COA8: variants seen among roughly 807,000 people sequenced by gnomAD.
The protein encoded by COA8 is cytochrome c oxidase assembly factor 8, also known as UPF0671 protein C14orf153.
Under a neutral mutation model 22.0 loss-of-function variants are expected in COA8, and 20 were observed. The observed-to-expected ratio is 0.91, with a 90% CI of 0.64 to 1.32. COA8 has a LOEUF of 1.32. Ranked by LOEUF, COA8 falls within the 40% of genes most tolerant of loss-of-function variation. The pLI is 0.00. For missense variants in COA8, 266 were observed against 230.0 expected, an observed-to-expected ratio of 1.16 and a Z score of -1.01; for synonymous variants, 105 against 79.9, an observed-to-expected ratio of 1.31 and a Z score of -1.68.
chr14:103,584,676 T>C (rs555216535), intron 3 of COA8, among the ~76,000 whole-genome samples: 4 of 152,224 alleles, frequency 2.6e-5, no homozygotes, highest in Non-Finnish European at 4.4e-5. Flanking sequence ...TACATCCTTG[T>C]CAACACTTGT....
At position 103,582,271 on chromosome 14, in the gene COA8, T is replaced by TG. The variant is rs555066589; in HGVS notation, c.386-4997dup. 2.6e-3 allele frequency among the ~76,000 whole-genome samples: 391 copies of TG among 152,258 alleles called. 2 individuals carry two copies. Among genetic ancestry groups the TG allele is most frequent in the Admixed American group, 0.011 (161 of 15,290 alleles). On this transcript the variant is annotated intron_variant, in intron 3 of 4. Coordinates refer to ENST00000409074, the MANE Select transcript of COA8 (RefSeq NM_001370595.2). ...CATTCCCTGGTCCCTGAGCCATAGC[T>TG]GGGGGGCATGAGACTGTCCCCTGGG... is the stretch of plus-strand genomic sequence containing the variant.
chr14:103,584,378 C>A (rs1302519671), intron 3 of COA8, among the ~76,000 whole-genome samples: 1 of 152,190 alleles, frequency 6.6e-6, no homozygotes, highest in Non-Finnish European at 1.5e-5. Flanking sequence ...CCAATCAAGG[C>A]TTGGTCTTTC....
chr14:103,587,103 C>G (rs538496158), intron 3 of COA8, among the ~76,000 whole-genome samples, 171 bp from the exon 4 acceptor site: 2 of 152,270 alleles, frequency 1.3e-5, no homozygotes, highest in Non-Finnish European at 2.9e-5. Flanking sequence ...GAATTGTTTT[C>G]TTGATTTCAT....
At chr14:103,589,227 A>G (rs924960860) in intron 4 of COA8, among the ~76,000 whole-genome samples, 35 of 152,142 alleles carry the variant, frequency 2.3e-4, no homozygotes, top group Admixed American at 1.4e-3. Context: ...GAAATGGAAT[A>G]TGGCTTTTCC....
At chr14:103,584,050 G>GT (rs1376993896) in intron 3 of COA8, among the ~76,000 whole-genome samples, 2 of 151,956 alleles carry the variant, frequency 1.3e-5, no homozygotes, top group African/African-American at 4.8e-5. Flanking sequence ...TTGTTTGTTT[G>GT]TTTTTTTGAG....
chr14:103,562,998 G>A lies in COA8; in HGVS notation c.-4G>A, dbSNP rs1225112117. On this transcript the variant is annotated 5_prime_UTR_variant, in exon 1 of 5. Coordinates refer to ENST00000409074, the MANE Select transcript of COA8 (RefSeq NM_001370595.2). ...GCGCCGCGGGAGCCAGGGGGCGTGG[G>A]GCCATGGTGGTCTTGCGGGCGGGGA... The A allele has an allele frequency of 6.4e-7, 1 of 1,556,118 alleles. No homozygotes were observed. The highest frequency in any genetic ancestry group is 8.6e-7 in the Non-Finnish European group (1 of 1,156,888).
At position 103,563,012 on chromosome 14, in the gene COA8, T is replaced by A. The variant is rs1490230055; in HGVS notation, c.11T>A (p.Leu4Ter). Residue 4 changes from leucine to a stop codon, truncating the protein, a stop_gained, in exon 1 of 5, where the codon TTG becomes TAG. Transcript: ENST00000409074. LOFTEE classifies it high-confidence loss of function. Reference sequence around the variant, plus strand: ...AGGGGGCGTGGGGCCATGGTGGTCTTGCGGGCGGGGAAGAAGACCTTTCTC... The same window carrying A: ...AGGGGGCGTGGGGCCATGGTGGTCTAGCGGGCGGGGAAGAAGACCTTTCTC... MVV[L>*]RAGKKTFLPP... is the part of the protein sequence containing the mutation. 1 of 1,558,168 alleles carries A rather than the reference T, an allele frequency of 6.4e-7. No homozygotes were observed. The highest frequency in any genetic ancestry group is 1.4e-5 in the African/African-American group (1 of 74,000).
intron 1 of COA8, among the ~76,000 whole-genome samples, chr14:103,569,118 C>T (rs557711667): frequency 9.9e-5 from 15 of 152,252 alleles, no homozygotes; most frequent in Non-Finnish European, 1.9e-4. Flanking sequence ...ATGGAAGAGC[C>T]TTCTGTCCCC....
chr14:103,574,227 GA>G, intron 3 of COA8, 57 bp downstream of exon 3: 1 of 1,605,172 alleles, frequency 6.2e-7, no homozygotes, highest in Non-Finnish European at 8.5e-7. Context: ...GCTAGTCCAT[GA>G]AAAGGGAAAG....
chr14:103,576,718 A>G (rs932642173), intron 3 of COA8, among the ~76,000 whole-genome samples: 1 of 152,202 alleles, frequency 6.6e-6, no homozygotes, highest in Non-Finnish European at 1.5e-5. Context: ...CTAAGTTCAA[A>G]GAAGCAGTCA....
chr14:103,580,957 C>T (rs1254824962), intron 3 of COA8, among the ~76,000 whole-genome samples: 3 of 152,060 alleles, frequency 2.0e-5, no homozygotes, highest in South Asian at 2.1e-4. Flanking sequence ...CCACCACGCC[C>T]GGCTAATTTT....
At chr14:103,587,429 T>C (rs2076316423) in intron 4 of COA8, 65 bp downstream of exon 4, 1 of 1,015,918 alleles carries the variant, frequency 9.8e-7, no homozygotes, top group African/African-American at 1.6e-5. Flanking sequence ...AGTGTTTTCT[T>C]ACCTGAATTT....
At chr14:103,567,893 C>G (rs1487579425) in intron 1 of COA8, among the ~76,000 whole-genome samples, 2 of 152,168 alleles carry the variant, frequency 1.3e-5, no homozygotes, top group African/African-American at 2.4e-5. Flanking sequence ...GCTCTCCCAT[C>G]TCGTTGGCAT....
intron 3 of COA8, among the ~76,000 whole-genome samples, chr14:103,584,348 A>G (rs2151186057): frequency 6.6e-6 from 1 of 152,094 alleles, no homozygotes; most frequent in East Asian, 1.9e-4. Context: ...CCTTTCCCCA[A>G]AACTGAAAGT....
intron 1 of COA8, among the ~76,000 whole-genome samples, chr14:103,564,990 G>A (rs2076125572): frequency 6.6e-6 from 1 of 152,108 alleles, no homozygotes; most frequent in Non-Finnish European, 1.5e-5. Context: ...TTTTTGCTCT[G>A]TTGCCCAGGC....
chr14:103,587,799 G>T (rs927762180), intron 4 of COA8, among the ~76,000 whole-genome samples: 8 of 151,628 alleles, frequency 5.3e-5, no homozygotes, highest in Non-Finnish European at 7.4e-5. Context: ...GAGCCACTGC[G>T]CCTCGTCTAT....
At position 103,590,175 on chromosome 14, in the gene COA8, C is replaced by T. The variant is rs1432586632; in HGVS notation, c.477-6C>T. 3 of 1,612,126 alleles carry T rather than the reference C, an allele frequency of 1.9e-6. No individual in the cohort carries two copies. The highest frequency in any genetic ancestry group is 2.5e-6 in the Non-Finnish European group (3 of 1,178,292). ...TGTCACCTGTGCATCCTCTGTTTCT[C>T]TACAGAGATTGGTACAAGCGCAATT... On this transcript the variant is annotated splice_region_variant and splice_polypyrimidine_tract_variant and intron_variant, in intron 4 of 4. Coordinates refer to ENST00000409074, the MANE Select transcript of COA8 (RefSeq NM_001370595.2).
chr14:103,563,280 C>G (rs182544886), intron 1 of COA8, 156 bp downstream of exon 1: 14 of 999,720 alleles, frequency 1.4e-5, no homozygotes, highest in Non-Finnish European at 2.1e-5. Flanking sequence ...CCCCGAGGCT[C>G]CCGCATCAAC....
At chr14:103,584,389 C>T (rs370696576) in intron 3 of COA8, among the ~76,000 whole-genome samples, 10 of 152,076 alleles carry the variant, frequency 6.6e-5, no homozygotes, top group Non-Finnish European at 1.0e-4. Context: ...TTGGTCTTTC[C>T]GGCCCCCATC....
Sources: allele counts gnomAD v4.1 joint callset (sites outside exome capture counted in the v4.1 genomes callset), GRCh38; gene constraint gnomAD v4.1.1; transcripts MANE v1.5; gene names NCBI Gene and HGNC (gene_info 2026-07-23, HGNC 2026-07-21).